PPP4R1: variants seen among roughly 807,000 people sequenced by gnomAD.
PPP4R1 encodes the protein serine/threonine-protein phosphatase 4 regulatory subunit 1.
A neutral mutation model predicts 111.2 loss-of-function variants in PPP4R1; 42 were observed. That is an observed-to-expected ratio of 0.38 (90% CI 0.29 to 0.49). PPP4R1 has a LOEUF of 0.49. PPP4R1 is among the 20% of genes least tolerant of loss of function. PPP4R1 has a pLI of 0.97. For missense variants in PPP4R1, 1,012 were observed against 1,161.6 expected, an observed-to-expected ratio of 0.87 and a Z score of 1.87; for synonymous variants, 409 against 405.5, an observed-to-expected ratio of 1.01 and a Z score of -0.10.
chr18:9,597,189 T>C (rs1162112245), intron 2 of PPP4R1, among the ~76,000 whole-genome samples: 2 of 152,082 alleles, frequency 1.3e-5, no homozygotes, highest in Non-Finnish European at 2.9e-5. Context: ...TTTCAGACAC[T>C]GGACAAAAGA....
chr18:9,555,959 A>G (rs140748247), intron 15 of PPP4R1, among the ~76,000 whole-genome samples: 3 of 149,172 alleles, frequency 2.0e-5, no homozygotes, highest in African/African-American at 4.9e-5. Flanking sequence ...ACACGGTGAA[A>G]CCCCATCTCT....
chr18:9,601,397 G>A (rs1408270203), intron 2 of PPP4R1, among the ~76,000 whole-genome samples: 5 of 151,968 alleles, frequency 3.3e-5, no homozygotes, highest in African/African-American at 7.2e-5. Context: ...ATGGTGGTAC[G>A]TGCCTGAAAT....
chr18:9,548,213 T>C (rs8092965), intron 19 of PPP4R1, among the ~76,000 whole-genome samples: 6,654 of 145,590 alleles, frequency 0.046, 382 homozygotes, highest in African/African-American at 0.13. Flanking sequence ...AATTAATAAA[T>C]AGATGAAAAC....
rs754991116 is a variant in PPP4R1, at chr18:9,570,294, T to G, written c.1436A>C (p.Lys479Thr). ...TTCCTCTGGTCCCTCTGGGCTGGGT[T>G]TTCCCCCAGAGTTCTGTTCAAGCTC... The part of the protein sequence containing the change: ...DIELEQNSGG[K>T]PSPEGPEEES... The change falls in exon 11 of 20, where the codon AAA becomes ACA. Residue 479 changes from lysine (K) to threonine (T), a missense_variant. Physicochemically the swap from Lys to Thr is moderately conservative, Grantham distance 78. Transcript: ENST00000400556. 2 of 1,612,358 alleles carry G rather than the reference T, an allele frequency of 1.2e-6. No individual in the cohort carries two copies. Among genetic ancestry groups the G allele is most frequent in the South Asian group, 2.2e-5 (2 of 90,748 alleles).
chr18:9,573,674 T>C (rs1477284814), intron 10 of PPP4R1, among the ~76,000 whole-genome samples: 1 of 152,186 alleles, frequency 6.6e-6, no homozygotes, highest in Non-Finnish European at 1.5e-5. Flanking sequence ...CATAGCTCAC[T>C]GCAGCCTCAA....
chr18:9,575,582 G>A lies in PPP4R1; in HGVS notation c.1046+1482C>T, dbSNP rs1056341944. Among the ~76,000 whole-genome samples the A allele has an allele frequency of 1.2e-4, 19 of 152,152 alleles. 1 individual carries two copies. The highest frequency in any genetic ancestry group is 2.5e-4 in the Non-Finnish European group (17 of 68,026). Reference sequence around the variant, plus strand: ...ACAAGTAGTATTGCCTGGACATTAAGACATACCTCATTACAATGGAAGAAG... The same window carrying A: ...ACAAGTAGTATTGCCTGGACATTAAAACATACCTCATTACAATGGAAGAAG... On this transcript the variant is annotated intron_variant, in intron 10 of 19. Coordinates refer to ENST00000400556, the MANE Select transcript of PPP4R1 (RefSeq NM_001042388.3).
At position 9,584,894 on chromosome 18, in the gene PPP4R1, A is replaced by T; in HGVS notation, c.586-66T>A. On this transcript the variant is annotated intron_variant, in intron 6 of 19. Transcript: ENST00000400556. ...TAAGCCTCTTTCAGTTAAATTAAAT[A>T]ATAAAAGTATATAATTTGAGGAAAC... is the stretch of plus-strand genomic sequence containing the variant. 4.0e-6 allele frequency: 5 copies of T among 1,250,396 alleles called. 1 individual carries two copies. The South Asian group carries it at 6.9e-5, about 17-fold the overall frequency. 77.5% of individuals were successfully genotyped at this position (1,250,396 alleles called of 1,614,324 possible).
chr18:9,577,701 T>C (rs998583121), intron 9 of PPP4R1, among the ~76,000 whole-genome samples: 4 of 152,200 alleles, frequency 2.6e-5, no homozygotes, highest in African/African-American at 9.7e-5. Flanking sequence ...TTTGCTCTTT[T>C]TTACTTTCAA....
chr18:9,595,188 T>G (rs370177531), intron 2 of PPP4R1, 35 bp from the exon 3 acceptor site: 14 of 1,598,064 alleles, frequency 8.8e-6, no homozygotes, highest in South Asian at 1.1e-5. Context: ...CTTATAACAC[T>G]TTGAAACTAA....
intron 19 of PPP4R1, 28 bp downstream of exon 19, chr18:9,549,169 C>T (rs373457550): frequency 2.6e-5 from 42 of 1,600,832 alleles, no homozygotes; most frequent in African/African-American, 6.7e-5. Flanking sequence ...TCTACTCACA[C>T]GCTTCTTCTA....
chr18:9,550,523 G>A (rs2066472206), intron 16 of PPP4R1, 125 bp from the exon 17 acceptor site: 2 of 1,120,500 alleles, frequency 1.8e-6, no homozygotes, highest in Admixed American at 5.1e-5. Context: ...ACGCAAAGAG[G>A]AGTGATTAAG....
At chr18:9,567,291 C>A (rs1273912901) in intron 11 of PPP4R1, among the ~76,000 whole-genome samples, 1 of 152,204 alleles carries the variant, frequency 6.6e-6, no homozygotes, top group African/African-American at 2.4e-5. Flanking sequence ...AGCAGGAGAA[C>A]TAAAATTAGG....
chr18:9,593,981 G>T, intron 3 of PPP4R1, 107 bp from the exon 4 acceptor site: 1 of 827,056 alleles, frequency 1.2e-6, no homozygotes. Context: ...AGGCCGGAGT[G>T]TAATGGTGTG....
intron 16 of PPP4R1, 54 bp downstream of exon 16, chr18:9,553,268 T>G: frequency 7.5e-7 from 1 of 1,330,626 alleles, no homozygotes; most frequent in South Asian, 1.3e-5. Context: ...AATGTAAAAA[T>G]GAAGTAAATA....
At chr18:9,597,433 A>G (rs1485363623) in intron 2 of PPP4R1, among the ~76,000 whole-genome samples, 1 of 152,196 alleles carries the variant, frequency 6.6e-6, no homozygotes, top group Non-Finnish European at 1.5e-5. Flanking sequence ...AACTTTAGAA[A>G]GCTGCAGAAA....
intron 2 of PPP4R1, among the ~76,000 whole-genome samples, chr18:9,607,490 A>G (rs1313156832): frequency 6.6e-6 from 1 of 152,200 alleles, no homozygotes; most frequent in Non-Finnish European, 1.5e-5. Flanking sequence ...TCAAAATTTA[A>G]TAAGAAAATG....
At chr18:9,548,227 A>C (rs1168347025) in intron 19 of PPP4R1, among the ~76,000 whole-genome samples, 3 of 151,780 alleles carry the variant, frequency 2.0e-5, no homozygotes, top group African/African-American at 7.3e-5. Context: ...TGAAAACATC[A>C]CACTTCTTAG....
intron 2 of PPP4R1, among the ~76,000 whole-genome samples, chr18:9,607,360 CA>C (rs34996836): frequency 0.37 from 51,645 of 138,824 alleles, 9,776 homozygotes; most frequent in East Asian, 0.54. Context: ...GACCCTGTCT[CA>C]AAAAAAAAAA....
chr18:9,609,278 A>C (rs2067536942), intron 2 of PPP4R1, among the ~76,000 whole-genome samples: 1 of 152,124 alleles, frequency 6.6e-6, no homozygotes, highest in Admixed American at 6.6e-5. Context: ...CCTATTTAAC[A>C]ATACTCCTAA....
Sources: allele counts gnomAD v4.1 joint callset (sites outside exome capture counted in the v4.1 genomes callset), GRCh38; gene constraint gnomAD v4.1.1; transcripts MANE v1.5; gene names NCBI Gene and HGNC (gene_info 2026-07-23, HGNC 2026-07-21).